Variants in TGM5 observed in about 807,000 individuals in gnomAD.
TGM5 encodes the protein protein-glutamine gamma-glutamyltransferase 5.
In TGM5, 69 loss-of-function variants were observed where a neutral mutation model predicts 77.2. That is an observed-to-expected ratio of 0.89 (90% confidence interval 0.74 to 1.09). The LOEUF (loss-of-function observed/expected upper bound fraction) is 1.09, where lower values mean the gene tolerates loss of function less well. TGM5 is among the 50% of genes least tolerant of loss of function. The probability of loss-of-function intolerance (pLI) is 0.00; values close to 1 mark genes in which losing one functional copy is unlikely to be tolerated. For missense variants in TGM5, 842 were observed against 896.5 expected (o/e 0.94, Z 0.78); for synonymous variants, 346 against 351.8 (o/e 0.98, Z 0.18).
chr15:43,253,712 A>G, intron 4 of TGM5, 78 bp from the exon 5 acceptor site: 1 of 1,572,424 alleles, frequency 6.4e-7, no homozygotes, highest in Non-Finnish European at 8.7e-7. Context: ...ACTTCCCCCC[A>G]ACCCTAGTGG....
chr15:43,237,404 C>G (rs2042598206), intron 9 of TGM5, among the ~76,000 whole-genome samples: 1 of 152,204 alleles, frequency 6.6e-6, no homozygotes, highest in Non-Finnish European at 1.5e-5. Flanking sequence ...AACACCCTAG[C>G]CCCTGTGACT....
chr15:43,234,908 A>G lies in TGM5; in HGVS notation c.1736T>C (p.Ile579Thr). 1 of 1,614,042 alleles carries G rather than the reference A, an allele frequency of 6.2e-7. No individual in the cohort carries two copies. Among genetic ancestry groups the G allele is most frequent in the Non-Finnish European group, 8.5e-7 (1 of 1,179,984 alleles). ...GTACTGGCTGTACTGGGAATAGGAGATTTTGCAGGGGTAGGTCTTTGCTAA... is the reference window on the plus strand; with the variant it reads ...GTACTGGCTGTACTGGGAATAGGAGGTTTTGCAGGGGTAGGTCTTTGCTAA... ...PKEAKTYPCK[I>T]SYSQYSQYLS... The change falls in exon 11 of 13, where the codon ATC becomes ACC. Residue 579 changes from isoleucine to threonine, a missense_variant. Ile to Thr is a moderately conservative substitution (Grantham distance 89). Coordinates refer to ENST00000220420, the MANE Select transcript of TGM5 (RefSeq NM_201631.4).
At chr15:43,251,212 A>G (rs2042700980) in intron 6 of TGM5, among the ~76,000 whole-genome samples, 1 of 151,800 alleles carries the variant, frequency 6.6e-6, no homozygotes, top group Non-Finnish European at 1.5e-5. Flanking sequence ...ATACCTGGGC[A>G]CTCAACTCAT....
Position 43,235,689 on chromosome 15 carries a change from G to A in TGM5, c.1494C>T (p.Ser498=). 6.2e-7 allele frequency: 1 copy of A among 1,614,212 alleles called. No homozygotes were observed. Among genetic ancestry groups the A allele is most frequent in the South Asian group, 1.1e-5 (1 of 91,086 alleles). ...CTTGCACCACATCACTGGGTCGAAG[G>A]GAAGGTGTATGCAGGCTCCGAGGGC... ...QDSPRSLHTP[S]LRPSDVVQVS... Residue 498 remains serine (S), a synonymous_variant, in exon 10 of 13, where the codon TCC becomes TCT. Coordinates refer to ENST00000220420, the MANE Select transcript of TGM5 (RefSeq NM_201631.4).
At chr15:43,253,076 G>C (rs1475225579) in intron 5 of TGM5, 140 bp from the exon 6 acceptor site, 2 of 891,432 alleles carry the variant, frequency 2.2e-6, no homozygotes, top group African/African-American at 3.3e-5. Context: ...TTCCAGACCT[G>C]CTGGGGAGGG....
chr15:43,239,169 T>A lies in TGM5; in HGVS notation c.1099A>T (p.Ser367Cys). The A allele has an allele frequency of 6.2e-7, 1 of 1,614,076 alleles. No individual in the cohort carries two copies. Among genetic ancestry groups the A allele is most frequent in the Non-Finnish European group, 8.5e-7 (1 of 1,180,016 alleles). ...QVLDATPQEM[S>C]NGVYCCGPAS... The stretch of plus-strand genomic sequence containing the variant: ...TTCTTCTGGAGAGCCTCACCGTTGC[T>A]CATCTCCTGAGGTGTGGCGTCCAGC... Residue 367 changes from serine to cysteine, a missense_variant, in exon 8 of 13, where the codon AGC becomes TGC. Ser to Cys is a moderately radical substitution (Grantham distance 112, BLOSUM62 -1). Transcript: ENST00000220420.
chr15:43,253,387 C>A, intron 5 of TGM5, 119 bp downstream of exon 5: 1 of 1,426,054 alleles, frequency 7.0e-7, no homozygotes. Flanking sequence ...TGGCGTCAGT[C>A]TCATCCAAGA....
chr15:43,238,866 G>GGGTGATAAAATTTT lies in TGM5; in HGVS notation c.1295_1296insAAAATTTTATCACC (p.Gln433LysfsTer31), dbSNP rs780345485. 3 of 1,614,188 alleles carry GGGTGATAAAATTTT rather than the reference G, an allele frequency of 1.9e-6. No individual in the cohort carries two copies. The highest frequency in any genetic ancestry group is 2.5e-6 in the Non-Finnish European group (3 of 1,180,020). On this transcript the variant is annotated frameshift_variant, in exon 9 of 13. Transcript: ENST00000220420. LOFTEE classifies it high-confidence loss of function. ...TGATGTCATCCCGCTCGTCACTCTG[G>GGGTGATAAAATTTT]ATGCTCTTTGTGCTGATAAAATTGC... is the stretch of plus-strand genomic sequence containing the variant.
At chr15:43,238,403 G>A (rs1311928184) in intron 9 of TGM5, among the ~76,000 whole-genome samples, 1 of 152,182 alleles carries the variant, frequency 6.6e-6, no homozygotes, top group African/African-American at 2.4e-5. Flanking sequence ...GAGGAGTGGT[G>A]GGAGTGAACA....
chr15:43,256,310 A>G (rs1447976749), intron 4 of TGM5, among the ~76,000 whole-genome samples: 1 of 152,190 alleles, frequency 6.6e-6, no homozygotes, highest in East Asian at 1.9e-4. Flanking sequence ...CCTCATGCTC[A>G]CTGGAATTCC....
At position 43,260,297 on chromosome 15, in the gene TGM5, C is replaced by T; in HGVS notation, c.191G>A (p.Gly64Glu). 1 of 1,614,050 alleles carries T rather than the reference C, an allele frequency of 6.2e-7. No individual in the cohort carries two copies. Among genetic ancestry groups the T allele is most frequent in the Non-Finnish European group, 8.5e-7 (1 of 1,180,004 alleles). The change falls in exon 3 of 13, where the codon GGA (glycine) becomes GAA (glutamate). Residue 64 changes from glycine (G) to glutamate (E), a missense_variant and splice_region_variant. Coordinates refer to ENST00000220420, the MANE Select transcript of TGM5 (RefSeq NM_201631.4). ...CCCCAAGGCCAGGTCTGGCAGCGGTCCTAGGAGGGAAGTAGAGCTGAGGCC... is the reference window on the plus strand; with the variant it reads ...CCCCAAGGCCAGGTCTGGCAGCGGTTCTAGGAGGGAAGTAGAGCTGAGGCC... The part of the protein sequence containing the change: ...LDNIIFVVET[G>E]PLPDLALGTR...
chr15:43,240,768 T>A, intron 7 of TGM5, 84 bp downstream of exon 7: 4 of 1,582,674 alleles, frequency 2.5e-6, no homozygotes, highest in Non-Finnish European at 3.5e-6. Flanking sequence ...ACCAGGCTCA[T>A]GGACCTCGTT....
intron 9 of TGM5, 59 bp from the exon 10 acceptor site, chr15:43,235,896 G>C: frequency 1.3e-5 from 21 of 1,605,336 alleles, no homozygotes; most frequent in Non-Finnish European, 1.5e-5. Context: ...GTAGACTGAG[G>C]CTGAGCGCCA....
At chr15:43,263,389 T>A (rs920428361) in intron 1 of TGM5, among the ~76,000 whole-genome samples, 2 of 152,192 alleles carry the variant, frequency 1.3e-5, no homozygotes, top group Non-Finnish European at 1.5e-5. Context: ...AGCCAAACAG[T>A]ATTGAAAAGT....
At chr15:43,240,519 C>T (rs1430841626) in intron 7 of TGM5, among the ~76,000 whole-genome samples, 1 of 151,594 alleles carries the variant, frequency 6.6e-6, no homozygotes. Flanking sequence ...AACAAACCTT[C>T]AAAGGGCAGT....
rs1470938238 is a variant in TGM5 at position 43,239,049 on chromosome 15, G to A, written c.1113C>T (p.Tyr371=). 1 of 1,613,960 alleles carries A rather than the reference G, an allele frequency of 6.2e-7. No individual in the cohort carries two copies. Among genetic ancestry groups the A allele is most frequent in the Non-Finnish European group, 8.5e-7 (1 of 1,179,938 alleles). ...CTCTGACAGAGGCAGGGCCACAGCA[G>A]TAGACGCCTGAAGGAGAACAGGGGA... ...ATPQEMSNGV[Y]CCGPASVRAI... Residue 371 remains tyrosine, a synonymous_variant, in exon 9 of 13, where the codon TAC becomes TAT. Transcript: ENST00000220420.
intron 7 of TGM5, 143 bp from the exon 8 acceptor site, chr15:43,239,409 C>T (rs1268716716): frequency 1.3e-5 from 10 of 794,902 alleles, no homozygotes; most frequent in Admixed American, 6.0e-5. Context: ...TAGCCAGGCA[C>T]GATGGCTCAT....
intron 1 of TGM5, among the ~76,000 whole-genome samples, chr15:43,263,866 TGAAGA>T (rs1356264835): frequency 1.3e-5 from 2 of 152,166 alleles, no homozygotes; most frequent in African/African-American, 4.8e-5. Context: ...GTCAAGAAAG[TGAAGA>T]GAAAAGCCAT....
At chr15:43,242,001 T>C (rs2042640639) in intron 6 of TGM5, among the ~76,000 whole-genome samples, 1 of 152,194 alleles carries the variant, frequency 6.6e-6, no homozygotes, top group Non-Finnish European at 1.5e-5. Flanking sequence ...TCCTGTCCCT[T>C]CATGTCCAGC....
Sources: gnomAD v4.1 joint callset for allele counts (sites outside exome capture counted in the v4.1 genomes callset) on GRCh38, gnomAD v4.1.1 for gene constraint, MANE v1.5 for transcripts, NCBI Gene and HGNC (gene_info 2026-07-23, HGNC 2026-07-21) for gene names.